Variants in CLMN observed in about 807,000 individuals in gnomAD.
CLMN encodes calmin.
A neutral mutation model predicts 92.7 loss-of-function variants in CLMN; 57 were observed. That is an observed-to-expected ratio of 0.61 (90% CI 0.50 to 0.77). The LOEUF is 0.77. Ranked by LOEUF, CLMN falls within the 30% of genes least tolerant of loss-of-function variation. The pLI is 0.00. For synonymous variants in CLMN, 466 were observed against 470.6 expected (o/e 0.99, Z 0.13); for missense variants, 1,158 against 1,237.5 (o/e 0.94, Z 0.96).
chr14:95,277,999 T>G lies in CLMN; in HGVS notation c.82+41712A>C, dbSNP rs527722389. ...GGAATAAGAATTTTCTGGTTTGATA[T>G]TTGCGTGACCTTTGCCATTTACTGA... is the stretch of plus-strand genomic sequence containing the variant. On this transcript the variant is annotated intron_variant, in intron 1 of 12. Coordinates refer to ENST00000298912, the MANE Select transcript of CLMN (RefSeq NM_024734.4). Among the ~76,000 whole-genome samples the G allele has an allele frequency of 5.3e-5, 8 of 152,334 alleles. No homozygotes were observed. In the East Asian group the frequency reaches 7.7e-4, roughly 15 times the overall value.
rs1424725763 is a variant in CLMN at position 95,248,789 on chromosome 14, T to C, written c.83-18656A>G. 2.0e-5 allele frequency among the ~76,000 whole-genome samples: 3 copies of C among 152,304 alleles called. No homozygotes were observed. In the East Asian group the frequency reaches 5.8e-4, roughly 29 times the overall value. On this transcript the variant is annotated intron_variant, in intron 1 of 12. Coordinates refer to ENST00000298912, the MANE Select transcript of CLMN (RefSeq NM_024734.4). The stretch of plus-strand genomic sequence containing the variant: ...AAGGGCTTCCCTGCATAAACAAGCC[T>C]GCAGTGGGGGGAACTGGAATAGGAA...
At position 95,210,779 on chromosome 14, in the gene CLMN, G is replaced by T. The variant is rs779809764; in HGVS notation, c.709C>A (p.Gln237Lys). Residue 237 changes from glutamine to lysine, a missense_variant, in exon 7 of 13, where the codon CAG (glutamine) becomes AAG (lysine). Gln to Lys is a moderately conservative substitution (Grantham distance 53). Transcript: ENST00000298912. ...TCTCGTGTGGAATTTTCCAGGGCCT[G>T]TTTCATGTCCACCAGGCTGGGGTCA... ...AIDPSLVDMK[Q>K]ALENSTRENL... 2 of 1,603,606 alleles carry T rather than the reference G, an allele frequency of 1.2e-6. No individual in the cohort carries two copies. The highest frequency in any genetic ancestry group is 3.4e-5 in the Admixed American group (2 of 58,092).
intron 1 of CLMN, among the ~76,000 whole-genome samples, chr14:95,272,933 G>A (rs1443575730): frequency 3.9e-5 from 6 of 152,194 alleles, no homozygotes; most frequent in Non-Finnish European, 4.4e-5. Flanking sequence ...ATGCAGTGAT[G>A]TCTCCCTTCC....
At chr14:95,234,602 C>T (rs974099637) in intron 1 of CLMN, among the ~76,000 whole-genome samples, 6 of 152,212 alleles carry the variant, frequency 3.9e-5, no homozygotes, top group Admixed American at 6.5e-5. Context: ...CCATCCCTGG[C>T]TCTGCCTGGC....
chr14:95,243,436 G>A (rs556793902), intron 1 of CLMN, among the ~76,000 whole-genome samples: 1 of 152,230 alleles, frequency 6.6e-6, no homozygotes, highest in Non-Finnish European at 1.5e-5. Context: ...ACCAAAACCA[G>A]TACTGAAAAT....
chr14:95,307,936 G>A lies in CLMN; in HGVS notation c.82+11775C>T, dbSNP rs536527438. Among the ~76,000 whole-genome samples the A allele has an allele frequency of 5.3e-5, 8 of 152,288 alleles. No individual in the cohort carries two copies. In the South Asian group the frequency reaches 1.7e-3, roughly 32 times the overall value. On this transcript the variant is annotated intron_variant, in intron 1 of 12. Transcript: ENST00000298912. ...AAAGCCACGGAGCCCCTCTGACCTC[G>A]GAGTCTGCATCTGTGAAGTAGGGGC...
chr14:95,319,842 G>C lies in CLMN; in HGVS notation c.-50C>G. 7 of 1,156,646 alleles carry C rather than the reference G, an allele frequency of 6.1e-6. No homozygotes were observed. The highest frequency in any genetic ancestry group is 7.5e-6 in the Non-Finnish European group (7 of 932,838). 71.6% of individuals were successfully genotyped at this position (1,156,646 alleles called of 1,614,324 possible). ...CCAGCGCGGCGCGGGCGGCGGGCGCGGAGAGCCTGGCTGGCGGGCGCGCGA... is the reference window on the plus strand; with the variant it reads ...CCAGCGCGGCGCGGGCGGCGGGCGCCGAGAGCCTGGCTGGCGGGCGCGCGA... On this transcript the variant is annotated 5_prime_UTR_variant, in exon 1 of 13. Transcript: ENST00000298912.
intron 1 of CLMN, among the ~76,000 whole-genome samples, chr14:95,300,115 C>T (rs1900982859): frequency 1.3e-5 from 2 of 152,192 alleles, no homozygotes; most frequent in Non-Finnish European, 2.9e-5. Flanking sequence ...TGGAGGTGGC[C>T]CAGATGCTCA....
At chr14:95,221,615 C>T in intron 4 of CLMN, 76 bp downstream of exon 4, 1 of 1,281,282 alleles carries the variant, frequency 7.8e-7, no homozygotes, top group East Asian at 2.3e-5. Flanking sequence ...CTCTTGCGAC[C>T]AGCACTGAAC....
At chr14:95,220,169 CTTTTTTTTTTTT>C (rs767326601) in intron 4 of CLMN, among the ~76,000 whole-genome samples, 1 of 71,796 alleles carries the variant, frequency 1.4e-5, no homozygotes, top group Non-Finnish European at 2.4e-5. Context: ...GGATAGGTCC[CTTTTTTTTTTTT>C]TTTTTTTTTT....
chr14:95,315,306 T>C (rs1236875463), intron 1 of CLMN, among the ~76,000 whole-genome samples: 1 of 152,052 alleles, frequency 6.6e-6, no homozygotes, highest in Non-Finnish European at 1.5e-5. Context: ...CATGGGACCA[T>C]GATACCATTT....
intron 1 of CLMN, among the ~76,000 whole-genome samples, chr14:95,245,688 G>GTGGGTGGA (rs1566891779): frequency 9.6e-6 from 1 of 104,486 alleles, no homozygotes; most frequent in Non-Finnish European, 1.9e-5. Flanking sequence ...GGGTGGGTGG[G>GTGGGTGGA]TGGGTGGATG....
chr14:95,282,731 CA>C (rs1323461202), intron 1 of CLMN, among the ~76,000 whole-genome samples: 6 of 152,364 alleles, frequency 3.9e-5, no homozygotes, highest in South Asian at 2.1e-4. Context: ...GGACAAGGAG[CA>C]GCCACTCAGA....
chr14:95,307,636 C>A (rs1018886863), intron 1 of CLMN: 3 of 152,284 alleles, frequency 2.0e-5, no homozygotes, highest in African/African-American at 7.2e-5. Context: ...CTCCTGCTTT[C>A]GGCACCCAAG....
rs199989778 is a variant in CLMN at position 95,202,963 on chromosome 14, G to T, written c.2386C>A (p.Gln796Lys). 2.4e-5 allele frequency: 38 copies of T among 1,613,944 alleles called. 1 individual carries two copies. Among genetic ancestry groups the T allele is most frequent in the Non-Finnish European group, 2.9e-5 (34 of 1,179,996 alleles). Residue 796 changes from glutamine to lysine, a missense_variant, in exon 9 of 13, where the codon CAG (glutamine) becomes AAG (lysine). Transcript: ENST00000298912. ...PGESLPSASD[Q>K]VLYLSRGGVG... ...CCACCCCTGCTGAGATACAGCACCT[G>T]GTCGCTGGCACTGGGGAGGCTCTCT...
chr14:95,274,182 C>G (rs1899829896), intron 1 of CLMN, among the ~76,000 whole-genome samples: 1 of 152,136 alleles, frequency 6.6e-6, no homozygotes, highest in Non-Finnish European at 1.5e-5. Context: ...TTTGCTCCCG[C>G]TTGGTTTCTC....
chr14:95,302,911 T>C (rs1019879100), intron 1 of CLMN, among the ~76,000 whole-genome samples: 7 of 152,202 alleles, frequency 4.6e-5, no homozygotes, highest in Non-Finnish European at 7.3e-5. Context: ...TTTGTTCTTA[T>C]TGATCAACTA....
rs555192809 is a variant in CLMN at position 95,300,294 on chromosome 14, A to G, written c.82+19417T>C. Among the ~76,000 whole-genome samples the G allele has an allele frequency of 8.3e-4, 126 of 152,302 alleles. 1 individual carries two copies. In the South Asian group the frequency reaches 0.012, roughly 14 times the overall value. On this transcript the variant is annotated intron_variant, in intron 1 of 12. Coordinates refer to ENST00000298912, the MANE Select transcript of CLMN (RefSeq NM_024734.4). Reference sequence around the variant, plus strand: ...CAAAGCACATAGATGAGTAAAACAAAAGTCACCCCAACTCTGTGGGCTGGT... The same window carrying G: ...CAAAGCACATAGATGAGTAAAACAAGAGTCACCCCAACTCTGTGGGCTGGT...
intron 1 of CLMN, among the ~76,000 whole-genome samples, chr14:95,241,449 C>T (rs1158762224): frequency 1.3e-5 from 2 of 152,146 alleles, no homozygotes; most frequent in Non-Finnish European, 2.9e-5. Context: ...AAAGGCAAGG[C>T]GGTTAATATT....
Sources: gnomAD v4.1 joint callset for allele counts (sites outside exome capture counted in the v4.1 genomes callset) on GRCh38, gnomAD v4.1.1 for gene constraint, MANE v1.5 for transcripts, NCBI Gene and HGNC (gene_info 2026-07-23, HGNC 2026-07-21) for gene names.